Variants in PPA2 observed in about 807,000 individuals in gnomAD.
PPA2 encodes the protein inorganic pyrophosphatase 2, mitochondrial.
In PPA2, 48 loss-of-function variants were observed where a neutral mutation model predicts 49.5. The observed-to-expected ratio is 0.97, with a 90% CI of 0.77 to 1.23. The LOEUF (loss-of-function observed/expected upper bound fraction) is 1.23. PPA2 is among the 50% of genes most tolerant of loss of function. The pLI is 0.00. For missense variants in PPA2, 429 were observed against 410.1 expected (o/e 1.05, Z -0.40); for synonymous variants, 131 against 139.9 (o/e 0.94, Z 0.45).
chr4:105,386,490 T>C, intron 10 of PPA2, 77 bp downstream of exon 10: 2 of 1,361,476 alleles, frequency 1.5e-6, no homozygotes, highest in Non-Finnish European at 2.1e-6. Context: ...ATTTCATTGC[T>C]AGAGATTTCA....
chr4:105,427,417 G>A (rs920868516), intron 6 of PPA2, among the ~76,000 whole-genome samples: 5 of 152,088 alleles, frequency 3.3e-5, no homozygotes, highest in Admixed American at 6.6e-5. Flanking sequence ...AGAGGAGCAC[G>A]TTCTAACCCT....
intron 5 of PPA2, among the ~76,000 whole-genome samples, chr4:105,438,563 C>T (rs978490718): frequency 6.6e-6 from 1 of 152,178 alleles, no homozygotes; most frequent in Non-Finnish European, 1.5e-5. Context: ...AATCCTCTAC[C>T]TGTCAAATCT....
At chr4:105,396,448 G>A (rs1734152566) in intron 8 of PPA2, 114 bp from the exon 9 acceptor site, 2 of 664,142 alleles carry the variant, frequency 3.0e-6, no homozygotes, top group African/African-American at 3.7e-5. Flanking sequence ...GAGCTCCAGA[G>A]TCAGGCAAAG....
chr4:105,423,479 TGCTTTAAATAAATC>T (rs1723344429), intron 7 of PPA2: 2 of 152,202 alleles, frequency 1.3e-5, no homozygotes, highest in Non-Finnish European at 2.9e-5. Flanking sequence ...GAAAGCCAGA[TGCTTTAAATAAATC>T]GTTTCTTATA....
At chr4:105,388,712 C>G (rs189864336) in intron 9 of PPA2, among the ~76,000 whole-genome samples, 1 of 151,894 alleles carries the variant, frequency 6.6e-6, no homozygotes, top group African/African-American at 2.4e-5. Flanking sequence ...GTAATCCCAG[C>G]TCCTTGGGAG....
Position 105,414,420 on chromosome 4 carries a change from TC to T in PPA2, c.655+9775del, listed in dbSNP as rs1722907293. 2.6e-5 allele frequency among the ~76,000 whole-genome samples: 4 copies of T among 152,274 alleles called. No homozygotes were observed. In the South Asian group the frequency reaches 8.3e-4, roughly 32 times the overall value. The stretch of plus-strand genomic sequence containing the variant: ...ACCCACTCGGCCTGGCAGGCTGCGC[TC>T]CGCTCGTGCTAAGCCTGGATCCCAC... On this transcript the variant is annotated intron_variant, in intron 7 of 11. Transcript: ENST00000341695.
At chr4:105,425,723 T>TACACATACACATAC (rs993307304) in intron 6 of PPA2, among the ~76,000 whole-genome samples, 3 of 122,450 alleles carry the variant, frequency 2.4e-5, no homozygotes, top group Non-Finnish European at 3.6e-5. Context: ...CACATGCACA[T>TACACATACACATAC]ACACACACAC....
intron 10 of PPA2, among the ~76,000 whole-genome samples, chr4:105,382,381 T>C (rs1560605102): frequency 6.6e-6 from 1 of 152,196 alleles, no homozygotes; most frequent in Non-Finnish European, 1.5e-5. Flanking sequence ...ATTAATCTTG[T>C]ACATTTTGTT....
chr4:105,459,105 C>G (rs981204570), intron 1 of PPA2, among the ~76,000 whole-genome samples: 1 of 152,004 alleles, frequency 6.6e-6, no homozygotes. Context: ...TTATTTTTCC[C>G]TTTAAACTGT....
intron 9 of PPA2, among the ~76,000 whole-genome samples, chr4:105,392,663 ACT>A (rs1223065637): frequency 1.3e-5 from 2 of 149,656 alleles, no homozygotes; most frequent in Admixed American, 6.7e-5. Flanking sequence ...ACAGAGTGAG[ACT>A]CTGTTTCAAA....
chr4:105,444,994 G>A (rs1724537029), intron 5 of PPA2, among the ~76,000 whole-genome samples: 1 of 151,988 alleles, frequency 6.6e-6, no homozygotes. Context: ...CAAGGCCCAA[G>A]GTCACATTAC....
At chr4:105,430,260 T>C (rs907197384) in intron 6 of PPA2, among the ~76,000 whole-genome samples, 1 of 152,238 alleles carries the variant, frequency 6.6e-6, no homozygotes, top group Admixed American at 6.5e-5. Context: ...TATTTGGAAG[T>C]TGATTCTAAA....
intron 9 of PPA2, among the ~76,000 whole-genome samples, chr4:105,395,874 TAATC>T (rs1431628043): frequency 3.9e-5 from 6 of 152,318 alleles, no homozygotes; most frequent in East Asian, 1.9e-4. Context: ...TAATTCCTCT[TAATC>T]AATCAATTAG....
intron 1 of PPA2, among the ~76,000 whole-genome samples, chr4:105,462,757 G>C (rs969275194): frequency 6.6e-6 from 1 of 152,140 alleles, no homozygotes; most frequent in Non-Finnish European, 1.5e-5. Context: ...AATCATAGGG[G>C]TAAGTCTTTC....
At chr4:105,377,277 G>C (rs1033599823) in intron 10 of PPA2, among the ~76,000 whole-genome samples, 4 of 152,056 alleles carry the variant, frequency 2.6e-5, no homozygotes, top group Non-Finnish European at 1.5e-5. Flanking sequence ...CTCTTTGATC[G>C]ATTTAACTCA....
intron 7 of PPA2, among the ~76,000 whole-genome samples, chr4:105,419,040 T>C (rs1023635848): frequency 6.6e-6 from 1 of 152,238 alleles, no homozygotes; most frequent in Non-Finnish European, 1.5e-5. Context: ...TTAGGTGTCC[T>C]GGGAGTCTTA....
chr4:105,414,621 G>A (rs971566175), intron 7 of PPA2, among the ~76,000 whole-genome samples: 2 of 152,242 alleles, frequency 1.3e-5, no homozygotes, highest in African/African-American at 4.8e-5. Flanking sequence ...ACCAAGAAGT[G>A]CAGAGCCCCA....
chr4:105,370,697 G>A (rs1732988357), intron 11 of PPA2, 140 bp downstream of exon 11: 3 of 1,149,292 alleles, frequency 2.6e-6, no homozygotes, highest in Non-Finnish European at 3.3e-6. Context: ...AAATTTTAGC[G>A]ACTATTTTAA....
intron 9 of PPA2, among the ~76,000 whole-genome samples, chr4:105,387,764 A>G (rs540036142): frequency 7.8e-6 from 1 of 128,446 alleles, no homozygotes; most frequent in African/African-American, 2.5e-5. Flanking sequence ...CCTGAACTTA[A>G]AAGTTGAGGG....
Sources: allele counts gnomAD v4.1 joint callset (sites outside exome capture counted in the v4.1 genomes callset), GRCh38; gene constraint gnomAD v4.1.1; transcripts MANE v1.5; gene names NCBI Gene and HGNC (gene_info 2026-07-23, HGNC 2026-07-21).